Variants in RBFOX1 observed in about 807,000 individuals in gnomAD.
The protein encoded by RBFOX1 is RNA binding fox-1 homolog 1.
RBFOX1 carries 8 observed loss-of-function variants against 57.7 expected under a neutral mutation model. The observed-to-expected ratio is 0.14, with a 90% CI of 0.08 to 0.25. The LOEUF (loss-of-function observed/expected upper bound fraction) is 0.25, where lower values mean the gene tolerates loss of function less well. Among genes scored for constraint, RBFOX1 ranks in the 10% least tolerant of loss-of-function variants. RBFOX1 has a pLI of 1.00. For missense variants in RBFOX1, 611 were observed against 548.5 expected, an observed-to-expected ratio of 1.11 and a Z score of -1.14; for synonymous variants, 326 against 222.4, an observed-to-expected ratio of 1.47 and a Z score of -4.15.
At chr16:5,561,053 G>C (rs537645811) in intron 2 of RBFOX1, among the ~76,000 whole-genome samples, 1 of 152,252 alleles carries the variant, frequency 6.6e-6, no homozygotes, top group South Asian at 2.1e-4. Context: ...GCAACTTTGG[G>C]TTTTATCAAT....
intron 4 of RBFOX1, among the ~76,000 whole-genome samples, chr16:7,067,947 C>T (rs1030956578): frequency 2.1e-5 from 3 of 141,056 alleles, no homozygotes; most frequent in Admixed American, 7.0e-5. Flanking sequence ...GTCTAGAGGG[C>T]GCCATTTTTT....
intron 2 of RBFOX1, among the ~76,000 whole-genome samples, chr16:6,434,053 G>A (rs531169422): frequency 2.7e-4 from 41 of 151,926 alleles, no homozygotes; most frequent in African/African-American, 9.2e-4. Flanking sequence ...TCACCATGTT[G>A]GTCAGGCTGG....
intron 3 of RBFOX1, among the ~76,000 whole-genome samples, chr16:5,765,792 A>C (rs2053756211): frequency 1.3e-5 from 2 of 152,180 alleles, no homozygotes; most frequent in Admixed American, 6.5e-5. Flanking sequence ...GCTTTGCTGC[A>C]AGTACAGGAT....
intron 4 of RBFOX1, among the ~76,000 whole-genome samples, chr16:7,065,393 A>G (rs1350601220): frequency 6.6e-6 from 1 of 152,074 alleles, no homozygotes; most frequent in African/African-American, 2.4e-5. Context: ...CGTGTTCAGC[A>G]TCATCTCCAA....
intron 2 of RBFOX1, among the ~76,000 whole-genome samples, chr16:6,533,494 C>A (rs894101426): frequency 1.3e-5 from 2 of 152,164 alleles, no homozygotes; most frequent in Admixed American, 6.6e-5. Context: ...CTACACTTGA[C>A]ACAGCCTCCA....
intron 4 of RBFOX1, among the ~76,000 whole-genome samples, chr16:5,951,056 C>G (rs1407214980): frequency 6.6e-6 from 1 of 152,120 alleles, no homozygotes; most frequent in African/African-American, 2.4e-5. Flanking sequence ...CTCAGAATCA[C>G]CTGTGCTGCT....
chr16:7,685,400 C>T lies in RBFOX1; in HGVS notation c.995+8562C>T, dbSNP rs775731690. 2.6e-5 allele frequency among the ~76,000 whole-genome samples: 4 copies of T among 152,202 alleles called. No homozygotes were observed. The East Asian group carries it at 5.8e-4, about 22-fold the overall frequency. On this transcript the variant is annotated intron_variant, in intron 14 of 15. Coordinates refer to ENST00000550418, the MANE Select transcript of RBFOX1 (RefSeq NM_018723.4). ...AATTAATTCTTTACCCCAAAAGATC[C>T]GTGGACGGAAACAGTTATTTATGCT...
chr16:5,388,242 C>T (rs13337644), intron 1 of RBFOX1, among the ~76,000 whole-genome samples: 28,234 of 152,060 alleles, frequency 0.19, 2,649 homozygotes, highest in Middle Eastern at 0.24. Context: ...TCTGCCTCAC[C>T]GTGCTTCTAG....
intron 2 of RBFOX1, among the ~76,000 whole-genome samples, chr16:6,500,916 C>T (rs1345394516): frequency 1.6e-4 from 4 of 24,820 alleles, no homozygotes; most frequent in East Asian, 1.9e-3. Flanking sequence ...CTGAGACATC[C>T]TCTGTCCCTT....
intron 4 of RBFOX1, among the ~76,000 whole-genome samples, chr16:7,183,326 G>A (rs79938201): frequency 0.065 from 9,840 of 152,196 alleles, 431 homozygotes; most frequent in Non-Finnish European, 0.094. Context: ...AGTGAGGGTA[G>A]GGGTTGATCT....
chr16:5,428,054 G>T (rs1289190889), intron 1 of RBFOX1, among the ~76,000 whole-genome samples: 2 of 152,104 alleles, frequency 1.3e-5, no homozygotes, highest in East Asian at 3.9e-4. Flanking sequence ...TTGCCCTGTG[G>T]GCCCTGTCTC....
At chr16:7,034,781 A>C (rs942925943) in intron 3 of RBFOX1, among the ~76,000 whole-genome samples, 2 of 142,158 alleles carry the variant, frequency 1.4e-5, no homozygotes, top group South Asian at 2.3e-4. Flanking sequence ...AGAAAATGCA[A>C]TTTCTAATTC....
At chr16:6,697,760 C>T (rs1222653469) in intron 3 of RBFOX1, among the ~76,000 whole-genome samples, 2 of 152,212 alleles carry the variant, frequency 1.3e-5, no homozygotes, top group Non-Finnish European at 2.9e-5. Flanking sequence ...AAAACAGATA[C>T]TGAGCAAACC....
chr16:7,403,803 C>A lies in RBFOX1; in HGVS notation c.28-114344C>A, dbSNP rs375255913. Among the ~76,000 whole-genome samples, 3 of 152,188 alleles carry A rather than the reference C, an allele frequency of 2.0e-5. No individual in the cohort carries two copies. In the South Asian group the frequency reaches 6.2e-4, roughly 32 times the overall value. Reference sequence around the variant, plus strand: ...TCAGGTGAACCACACACCTCAGCCTCCCAAAGTGCTGGGATTATAGGCGTG... The same window carrying A: ...TCAGGTGAACCACACACCTCAGCCTACCAAAGTGCTGGGATTATAGGCGTG... On this transcript the variant is annotated intron_variant, in intron 4 of 15. Coordinates refer to ENST00000550418, the MANE Select transcript of RBFOX1 (RefSeq NM_018723.4).
intron 2 of RBFOX1, among the ~76,000 whole-genome samples, chr16:5,476,529 C>T (rs1245420038): frequency 2.6e-5 from 4 of 152,186 alleles, no homozygotes; most frequent in African/African-American, 4.8e-5. Flanking sequence ...AGACAACTGC[C>T]TCAATTTGAA....
intron 12 of RBFOX1, among the ~76,000 whole-genome samples, chr16:7,663,655 A>G (rs1291517245): frequency 1.1e-4 from 17 of 152,224 alleles, no homozygotes; most frequent in South Asian, 2.1e-4. Context: ...GCTTCATTCA[A>G]TGGTGGGGCT....
intron 3 of RBFOX1, among the ~76,000 whole-genome samples, chr16:6,851,798 T>C (rs999620348): frequency 6.6e-6 from 1 of 152,182 alleles, no homozygotes; most frequent in Non-Finnish European, 1.5e-5. Context: ...CCTTAACTCC[T>C]TCCTCTGGGC....
At chr16:7,217,292 CTTTT>C (rs71147672) in intron 4 of RBFOX1, among the ~76,000 whole-genome samples, 1 of 104,080 alleles carries the variant, frequency 9.6e-6, no homozygotes, top group Admixed American at 1.3e-4. Context: ...TCTTATTCTT[CTTTT>C]TTTTTTTTTT....
chr16:6,281,859 T>A (rs2152700660), intron 1 of RBFOX1, among the ~76,000 whole-genome samples: 1 of 152,174 alleles, frequency 6.6e-6, no homozygotes, highest in African/African-American at 2.4e-5. Flanking sequence ...CCACTCTGAC[T>A]TGATCCAGGT....
Sources: allele counts gnomAD v4.1 joint callset (sites outside exome capture counted in the v4.1 genomes callset), GRCh38; gene constraint gnomAD v4.1.1; transcripts MANE v1.5; gene names NCBI Gene and HGNC (gene_info 2026-07-23, HGNC 2026-07-21).